Variants in ZNF197 observed in about 807,000 individuals in gnomAD.
ZNF197 encodes the protein VHL-associated KRAB-A domain-containing protein.
A neutral mutation model predicts 27.4 loss-of-function variants in ZNF197; 14 were observed. The ratio of observed to expected loss-of-function variants is 0.51; its 90% CI spans 0.34 to 0.80. The LOEUF (loss-of-function observed/expected upper bound fraction) is 0.80, where lower values mean the gene tolerates loss of function less well. ZNF197 is among the 30% of genes least tolerant of loss of function. The pLI is 0.02. For missense variants in ZNF197, 1,090 were observed against 1,222.6 expected (o/e 0.89, Z 1.62); for synonymous variants, 415 against 420.0 (o/e 0.99, Z 0.15).
In ZNF197 at chr3:44,636,600, G is replaced by A. The variant is rs114507703; in HGVS notation, c.769+4001G>A. On this transcript the variant is annotated intron_variant, in intron 5 of 5. Coordinates refer to ENST00000344387, the MANE Select transcript of ZNF197 (RefSeq NM_006991.5). Reference sequence around the variant, plus strand: ...TTGCCAAATATTCCATTGAATGGATGTATCTCCCATTTATCAGTTGATAAA... The same window carrying A: ...TTGCCAAATATTCCATTGAATGGATATATCTCCCATTTATCAGTTGATAAA... 8.8e-3 allele frequency among the ~76,000 whole-genome samples: 1,339 copies of A among 152,256 alleles called. 22 individuals carry two copies. Among genetic ancestry groups the A allele is most frequent in the African/African-American group, 0.031 (1,278 of 41,540 alleles).
chr3:44,630,679 AGG>A, intron 2 of ZNF197: 1 of 360,870 alleles, frequency 2.8e-6, no homozygotes, highest in South Asian at 2.1e-5. Context: ...GGCTAGGTAA[AGG>A]GGTCAATAAG....
chr3:44,647,731 C>T lies in ZNF197; in HGVS notation c.*3511C>T, dbSNP rs1703041955. The T allele has an allele frequency of 6.6e-6, 1 of 152,076 alleles. No homozygotes were observed. The highest frequency in any genetic ancestry group is 2.4e-5 in the African/African-American group (1 of 41,398). 9.4% of individuals were successfully genotyped at this position (152,076 alleles called of 1,614,324 possible). A position where few individuals can be genotyped will look rare whatever the true frequency, so the allele number is the denominator to read the frequency against. ...ATTCTGTATGAAAATATTCATATAACATTCTCAAAATGATAAAACTATAGA... is the reference window on the plus strand; with the variant it reads ...ATTCTGTATGAAAATATTCATATAATATTCTCAAAATGATAAAACTATAGA... On this transcript the variant is annotated 3_prime_UTR_variant, in exon 6 of 6. Coordinates refer to ENST00000344387, the MANE Select transcript of ZNF197 (RefSeq NM_006991.5).
At chr3:44,637,020 A>G (rs1702334160) in intron 5 of ZNF197, among the ~76,000 whole-genome samples, 1 of 152,184 alleles carries the variant, frequency 6.6e-6, no homozygotes, top group Non-Finnish European at 1.5e-5. Context: ...AAAACTGTCT[A>G]TTCAGATTCT....
In ZNF197 at chr3:44,642,810, C is replaced by G. The variant is rs1289068070; in HGVS notation, c.1680C>G (p.His560Gln). ...ATCTTATTGACCATCAGCGACTCCA[C>G]AGTGCAGAGAACCCTTACAAGTGTA... ...TTYLIDHQRL[H>Q]SAENPYKCKE... The change falls in exon 6 of 6, where the codon CAC (histidine) becomes CAG (glutamine). Residue 560 changes from histidine to glutamine, a missense_variant. Physicochemically the swap from His to Gln is conservative, Grantham distance 24. Coordinates refer to ENST00000344387, the MANE Select transcript of ZNF197 (RefSeq NM_006991.5). The G allele has an allele frequency of 1.9e-6, 3 of 1,613,662 alleles. No homozygotes were observed. The highest frequency in any genetic ancestry group is 2.5e-6 in the Non-Finnish European group (3 of 1,179,980).
rs570347543 is a variant in ZNF197, at chr3:44,639,299, A to T, written c.770-2601A>T. ...TATAGTTTTCTTTTTTGTGATGGTT[A>T]TGTCTGGTTTTGCTATCAGGGCAAC... On this transcript the variant is annotated intron_variant, in intron 5 of 5. Transcript: ENST00000344387. Among the ~76,000 whole-genome samples, 12 of 151,988 alleles carry T rather than the reference A, an allele frequency of 7.9e-5. No homozygotes were observed. In the South Asian group the frequency reaches 2.5e-3, roughly 32 times the overall value.
intron 3 of ZNF197, 40 bp from the exon 4 acceptor site, chr3:44,632,065 G>T (rs574033639): frequency 9.5e-6 from 15 of 1,585,536 alleles, no homozygotes; most frequent in East Asian, 4.5e-5. Context: ...ACTCAGAAAA[G>T]GTTTGTAGGT....
At chr3:44,638,308 C>T (rs1364223980) in intron 5 of ZNF197, among the ~76,000 whole-genome samples, 1 of 150,662 alleles carries the variant, frequency 6.6e-6, no homozygotes, top group Non-Finnish European at 1.5e-5. Flanking sequence ...GGGTTTTATA[C>T]GTTTCTCAGG....
In ZNF197 at chr3:44,643,569, G is replaced by A. The variant is rs61747171; in HGVS notation, c.2439G>A (p.Thr813=). 9.1e-4 allele frequency: 1,463 copies of A among 1,614,026 alleles called. 14 individuals are homozygous for A. The African/African-American group carries it at 0.017, about 18-fold the overall frequency. Residue 813 remains threonine, a synonymous_variant, in exon 6 of 6, where the codon ACG becomes ACA. Transcript: ENST00000344387. ...KSLIGHQRIH[T]REKSYKCNDC... ...TCATTGGACATCAGAGAATTCACAC[G>A]AGGGAAAAATCTTATAAATGCAATG...
chr3:44,629,994 A>G (rs1701892785), intron 2 of ZNF197, among the ~76,000 whole-genome samples: 1 of 152,202 alleles, frequency 6.6e-6, no homozygotes, highest in African/African-American at 2.4e-5. Context: ...AGGTGGGAGG[A>G]TCATTTGAGG....
chr3:44,629,464 C>G lies in ZNF197; in HGVS notation c.310C>G (p.Leu104Val). ...LPGEIRTWVQ[L>V]HHPGSGEEAV... Reference sequence around the variant, plus strand: ...TGGGGAGATTCGGACCTGGGTACAGCTCCATCACCCTGGAAGTGGCGAGGA... The same window carrying G: ...TGGGGAGATTCGGACCTGGGTACAGGTCCATCACCCTGGAAGTGGCGAGGA... Residue 104 changes from leucine (L) to valine (V), a missense_variant, in exon 2 of 6, where the codon CTC (leucine) becomes GTC (valine). Transcript: ENST00000344387. 6.2e-7 allele frequency: 1 copy of G among 1,612,144 alleles called. No individual in the cohort carries two copies.
In ZNF197 at chr3:44,643,072, A is replaced by G; in HGVS notation, c.1942A>G (p.Lys648Glu). The stretch of plus-strand genomic sequence containing the variant: ...CCACCAGAGACTCCACAATGGGGAG[A>G]AGCCCTATGAATGTAATGAATGTGG... Reference protein sequence around the residue: ...FDHQRLHNGEKPYECNECGKV... With the variant: ...FDHQRLHNGEEPYECNECGKV... The change falls in exon 6 of 6, where the codon AAG (lysine) becomes GAG (glutamate). Residue 648 changes from lysine to glutamate, a missense_variant. Physicochemically the swap from Lys to Glu is moderately conservative, Grantham distance 56. Transcript: ENST00000344387. 4 of 1,614,054 alleles carry G rather than the reference A, an allele frequency of 2.5e-6. No homozygotes were observed. Among genetic ancestry groups the G allele is most frequent in the Non-Finnish European group, 3.4e-6 (4 of 1,179,990 alleles).
chr3:44,642,883 CAG>C lies in ZNF197; in HGVS notation c.1758_1759del (p.Arg586SerfsTer11), dbSNP rs1702703610. ...FIRSKSLLLH[Q>X]RVHTEKKTFG... ...TCGAAGCAAAAGCCTCCTCTTACAT[CAG>C]AGAGTCCACACAGAAAAGAAAACCT... On this transcript the variant is annotated frameshift_variant, in exon 6 of 6. Coordinates refer to ENST00000344387, the MANE Select transcript of ZNF197 (RefSeq NM_006991.5). LOFTEE classifies it low-confidence loss of function (END_TRUNC). 1.9e-6 allele frequency: 3 copies of C among 1,614,150 alleles called. No homozygotes were observed. The highest frequency in any genetic ancestry group is 2.2e-5 in the East Asian group (1 of 44,876).
intron 5 of ZNF197, among the ~76,000 whole-genome samples, chr3:44,634,019 A>G (rs1474940854): frequency 2.6e-5 from 4 of 152,198 alleles, no homozygotes; most frequent in Non-Finnish European, 4.4e-5. Context: ...TGTAGATTTT[A>G]TACTTTGATA....
chr3:44,632,338 T>G lies in ZNF197; in HGVS notation c.643-135T>G, dbSNP rs545644354. ...GCTATTGGAAGACAGACTTTACATG[T>G]GATCTCCTTATGTCTCCCTGATGTC... On this transcript the variant is annotated intron_variant, in intron 4 of 5. Coordinates refer to ENST00000344387, the MANE Select transcript of ZNF197 (RefSeq NM_006991.5). The G allele has an allele frequency of 8.8e-6, 13 of 1,481,322 alleles. No individual in the cohort carries two copies. In the East Asian group the frequency reaches 9.1e-5, roughly 10 times the overall value. The allele number at this position is 1,481,322 out of a possible 1,614,324, so 91.8% of individuals were successfully genotyped here. A position where few individuals can be genotyped will look rare whatever the true frequency, so the allele number is the denominator to read the frequency against.
intron 2 of ZNF197, 49 bp downstream of exon 2, chr3:44,629,593 A>G (rs1701868756): frequency 6.6e-7 from 1 of 1,510,284 alleles, no homozygotes; most frequent in Non-Finnish European, 8.8e-7. Flanking sequence ...AAGGAAGGAA[A>G]GAATTGAGGC....
At chr3:44,634,503 G>A (rs1315258272) in intron 5 of ZNF197, among the ~76,000 whole-genome samples, 1 of 151,816 alleles carries the variant, frequency 6.6e-6, no homozygotes, top group Non-Finnish European at 1.5e-5. Flanking sequence ...AGGCTGGAGT[G>A]CAGTGGCGTG....
chr3:44,646,557 C>A lies in ZNF197; in HGVS notation c.*2337C>A. The A allele has an allele frequency of 2.6e-6, 3 of 1,159,468 alleles. No homozygotes were observed. Among genetic ancestry groups the A allele is most frequent in the African/African-American group, 1.5e-5 (1 of 66,134 alleles). 71.8% of individuals were successfully genotyped at this position (1,159,468 alleles called of 1,614,324 possible). A position where few individuals can be genotyped will look rare whatever the true frequency, so the allele number is the denominator to read the frequency against. On this transcript the variant is annotated 3_prime_UTR_variant, in exon 6 of 6. Transcript: ENST00000344387. ...CCACGAGAAACAGACACATCCAGAA[C>A]GTGGAATATTGCATAAGAAAGCTGC...
chr3:44,633,569 A>G lies in ZNF197; in HGVS notation c.769+970A>G, dbSNP rs185159815. ...AGTAGAATTCTCTTTGGAGAAATCAACGTTCAGAACTGGGTAATCAGCCAC... is the reference window on the plus strand; with the variant it reads ...AGTAGAATTCTCTTTGGAGAAATCAGCGTTCAGAACTGGGTAATCAGCCAC... On this transcript the variant is annotated intron_variant, in intron 5 of 5. Coordinates refer to ENST00000344387, the MANE Select transcript of ZNF197 (RefSeq NM_006991.5). Among the ~76,000 whole-genome samples the G allele has an allele frequency of 5.9e-5, 9 of 152,378 alleles. No homozygotes were observed. In the East Asian group the frequency reaches 9.6e-4, roughly 16 times the overall value.
Position 44,632,592 on chromosome 3 carries a change from C to T in ZNF197, c.762C>T (p.Thr254=). ...TGCTGGAGAATTATGGAAATGTGAC[C>T]TCCCTAGGTAAGGATTCTTCTTTCT... ...DVMLENYGNV[T]SLEWETMTEN... Residue 254 remains threonine, a synonymous_variant, in exon 5 of 6, where the codon ACC becomes ACT. Coordinates refer to ENST00000344387, the MANE Select transcript of ZNF197 (RefSeq NM_006991.5). 1 of 1,574,444 alleles carries T rather than the reference C, an allele frequency of 6.4e-7. No homozygotes were observed. Among genetic ancestry groups the T allele is most frequent in the Non-Finnish European group, 8.6e-7 (1 of 1,159,884 alleles).
Sources: allele counts gnomAD v4.1 joint callset (sites outside exome capture counted in the v4.1 genomes callset), GRCh38; gene constraint gnomAD v4.1.1; transcripts MANE v1.5; gene names NCBI Gene and HGNC (gene_info 2026-07-23, HGNC 2026-07-21).